Variants in ARHGAP40 observed in about 807,000 individuals in gnomAD.
ARHGAP40 encodes rho GTPase-activating protein 40.
In ARHGAP40, 43 loss-of-function variants were observed where a neutral mutation model predicts 73.5. The ratio of observed to expected loss-of-function variants is 0.58; its 90% CI spans 0.46 to 0.75. The LOEUF (loss-of-function observed/expected upper bound fraction) is 0.75, where lower values mean the gene tolerates loss of function less well. Among genes scored for constraint, ARHGAP40 ranks in the 30% least tolerant of loss-of-function variants. ARHGAP40 has a pLI of 0.00. For missense variants in ARHGAP40, 734 were observed against 861.8 expected, an observed-to-expected ratio of 0.85 and a Z score of 1.86; for synonymous variants, 300 against 352.8, an observed-to-expected ratio of 0.85 and a Z score of 1.68.
At chr20:38,623,283 A>C in intron 1 of ARHGAP40, 76 bp from the exon 2 acceptor site, 1 of 1,127,960 alleles carries the variant, frequency 8.9e-7, no homozygotes. Flanking sequence ...ATTTCTGGAG[A>C]GCCACAAGCC....
rs1568612978 is a variant in ARHGAP40, at chr20:38,646,989, G to A, written c.1743G>A (p.Trp581Ter). 1.5e-6 allele frequency: 2 copies of A among 1,305,416 alleles called. No homozygotes were observed. The highest frequency in any genetic ancestry group is 2.0e-6 in the Non-Finnish European group (2 of 988,994). The allele number at this position is 1,305,416 out of a possible 1,614,324, so 80.9% of individuals were successfully genotyped here. A position where few individuals can be genotyped will look rare whatever the true frequency, so the allele number is the denominator to read the frequency against. Residue 581 changes from tryptophan (W) to a stop codon, truncating the protein, a stop_gained, in exon 13 of 15, where the codon TGG becomes TGA. Coordinates refer to ENST00000373345, the Ensembl canonical transcript of ARHGAP40. LOFTEE classifies it high-confidence loss of function. The surrounding 1 kb of genome is among the most constrained non-coding windows in gnomAD (Gnocchi z 4.5). The stretch of plus-strand genomic sequence containing the variant: ...AGGTGGCAAAGATCCAGGTGGTCTG[G>A]CCTATCAAGGACCCCTTGAAGGTGC...
intron 8 of ARHGAP40, 55 bp from the exon 9 acceptor site, chr20:38,639,172 C>T (rs879463331): frequency 2.6e-5 from 34 of 1,289,394 alleles, no homozygotes; most frequent in Middle Eastern, 2.1e-4. Flanking sequence ...AGTGGTAGAG[C>T]GACTTCTACC....
intron 1 of ARHGAP40, among the ~76,000 whole-genome samples, chr20:38,612,727 A>AAAAG (rs2088811298): frequency 6.6e-6 from 1 of 152,082 alleles, no homozygotes; most frequent in Admixed American, 6.6e-5. Flanking sequence ...GAAAGAAAAG[A>AAAAG]AAAGAAAGAA....
chr20:38,646,101 C>G lies in ARHGAP40; in HGVS notation c.1624C>G (p.Arg542Gly), dbSNP rs116732775. 7,248 of 1,304,194 alleles carry G rather than the reference C, an allele frequency of 5.6e-3. 363 individuals carry two copies. In the African/African-American group the frequency reaches 0.1, roughly 18 times the overall value. 80.8% of individuals were successfully genotyped at this position (1,304,194 alleles called of 1,614,324 possible). ...AAAACTGAACGACAGTAGCAGCAGGCGCCCCCAGCTCTGCGACGCAGGCCT... is the reference window on the plus strand; with the variant it reads ...AAAACTGAACGACAGTAGCAGCAGGGGCCCCCAGCTCTGCGACGCAGGCCT... The change falls in exon 12 of 15, where the codon CGC becomes GGC. Residue 542 changes from arginine to glycine, a missense_variant. Physicochemically the swap from Arg to Gly is moderately radical, Grantham distance 125 (BLOSUM62 -2). Coordinates refer to ENST00000373345, the Ensembl canonical transcript of ARHGAP40. The surrounding 1 kb of genome is among the most constrained non-coding windows in gnomAD (Gnocchi z 4.5).
chr20:38,621,047 G>T (rs1222843640), intron 1 of ARHGAP40, among the ~76,000 whole-genome samples: 2 of 152,142 alleles, frequency 1.3e-5, no homozygotes, highest in Non-Finnish European at 2.9e-5. Flanking sequence ...GACTGCACAG[G>T]TCGCACATCC....
At chr20:38,625,767 T>G (rs2088895545) in intron 2 of ARHGAP40, among the ~76,000 whole-genome samples, 1 of 152,232 alleles carries the variant, frequency 6.6e-6, no homozygotes, top group South Asian at 2.1e-4. Flanking sequence ...GGATTGTTAA[T>G]AATTTATTTT....
intron 1 of ARHGAP40, among the ~76,000 whole-genome samples, chr20:38,620,246 A>G (rs1316217395): frequency 7.2e-5 from 11 of 152,198 alleles, no homozygotes; most frequent in Admixed American, 6.5e-4. Flanking sequence ...AACATCAGCT[A>G]TATTTGTGAG....
chr20:38,626,919 A>G, intron 2 of ARHGAP40, 76 bp from the exon 3 acceptor site: 1 of 1,172,036 alleles, frequency 8.5e-7, no homozygotes, highest in Non-Finnish European at 1.1e-6. Context: ...GTGTGCTTCT[A>G]TGCAGAACTT....
chr20:38,628,466 G>T (rs994495115), intron 3 of ARHGAP40, among the ~76,000 whole-genome samples: 1 of 152,026 alleles, frequency 6.6e-6, no homozygotes. Context: ...CACCATGCCC[G>T]GCTAATTTTT....
At chr20:38,618,904 C>T (rs1279767093) in intron 1 of ARHGAP40, among the ~76,000 whole-genome samples, 2 of 152,174 alleles carry the variant, frequency 1.3e-5, no homozygotes, top group African/African-American at 4.8e-5. Flanking sequence ...ACATAGGCCC[C>T]ACCTCCCCAT....
chr20:38,629,564 G>A (rs539275712), exon 5 of ARHGAP40: 114 of 1,305,294 alleles, frequency 8.7e-5, no homozygotes, highest in Non-Finnish European at 1.1e-4. Context: ...CATGGACTCT[G>A]CCTACTCAGA....
chr20:38,626,111 G>T (rs2088897779), intron 2 of ARHGAP40, among the ~76,000 whole-genome samples: 1 of 152,196 alleles, frequency 6.6e-6, no homozygotes, highest in Admixed American at 6.5e-5. Flanking sequence ...CATCTGTTCT[G>T]GTTCCCAAGT....
chr20:38,633,143 G>A (rs912733397), intron 5 of ARHGAP40, among the ~76,000 whole-genome samples: 1 of 151,716 alleles, frequency 6.6e-6, no homozygotes, highest in Non-Finnish European at 1.5e-5. Context: ...AAAATAGTTG[G>A]ATGTGGTGGT....
chr20:38,649,986 C>A, exon 15 of ARHGAP40: 1 of 532,980 alleles, frequency 1.9e-6, no homozygotes, highest in Non-Finnish European at 3.2e-6. Context: ...TCTGAAATGC[C>A]TCTCAGACCC....
chr20:38,627,062 G>T, exon 3 of ARHGAP40: 1 of 1,305,348 alleles, frequency 7.7e-7, no homozygotes, highest in Non-Finnish European at 1.0e-6. Context: ...GCCTGGGCTT[G>T]GATGGTGATC....
intron 9 of ARHGAP40, among the ~76,000 whole-genome samples, chr20:38,640,467 C>T (rs1568611268): frequency 6.6e-6 from 1 of 152,144 alleles, no homozygotes; most frequent in Non-Finnish European, 1.5e-5. Context: ...AGCGATCCTC[C>T]CACTTTGGCC....
chr20:38,629,615 G>T lies in ARHGAP40; in HGVS notation c.748G>T (p.Gly250Ter). Residue 250 changes from glycine (G) to a stop codon, truncating the protein, a stop_gained, in exon 5 of 15, where the codon GGA (glycine) becomes TGA (stop). Transcript: ENST00000373345. LOFTEE classifies it high-confidence loss of function. ...CCTGCAGAGGAGCAGGCCATCCCGG[G>T]GAGGCACCTCTGCCTGGGGCAAGTG... 7.7e-7 allele frequency: 1 copy of T among 1,305,424 alleles called. No individual in the cohort carries two copies. Among genetic ancestry groups the T allele is most frequent in the South Asian group, 1.2e-5 (1 of 81,028 alleles). 80.9% of individuals were successfully genotyped at this position (1,305,424 alleles called of 1,614,324 possible). A position where few individuals can be genotyped will look rare whatever the true frequency, so the allele number is the denominator to read the frequency against.
intron 1 of ARHGAP40, among the ~76,000 whole-genome samples, chr20:38,607,707 CA>C (rs780133399): frequency 1.2e-4 from 19 of 152,218 alleles, no homozygotes; most frequent in Non-Finnish European, 2.4e-4. Flanking sequence ...AATTGACCAG[CA>C]GATGCTCATC....
intron 1 of ARHGAP40, among the ~76,000 whole-genome samples, chr20:38,613,319 C>A (rs1182478268): frequency 6.6e-6 from 1 of 152,160 alleles, no homozygotes; most frequent in African/African-American, 2.4e-5. Flanking sequence ...GGCTGCCCCT[C>A]CCAGAGTGCT....
Sources: gnomAD v4.1 joint callset for allele counts (sites outside exome capture counted in the v4.1 genomes callset) on GRCh38, gnomAD v4.1.1 for gene constraint, Gnocchi (gnomAD v3.1) non-coding constraint, MANE v1.5 for transcripts, NCBI Gene and HGNC (gene_info 2026-07-23, HGNC 2026-07-21) for gene names.